MYRIP: variants seen among roughly 807,000 people sequenced by gnomAD.
MYRIP encodes rab effector MyRIP.
MYRIP carries 49 observed loss-of-function variants against 98.0 expected under a neutral mutation model. The ratio of observed to expected loss-of-function variants is 0.50; its 90% CI spans 0.40 to 0.63. The LOEUF is 0.63. Among genes scored for constraint, MYRIP ranks in the 30% least tolerant of loss-of-function variants. MYRIP has a pLI of 0.00. For synonymous variants in MYRIP, 404 were observed against 409.5 expected (o/e 0.99, Z 0.16); for missense variants, 1,004 against 1,058.2 (o/e 0.95, Z 0.71).
At chr3:40,140,105 A>C (rs187384656) in intron 3 of MYRIP, among the ~76,000 whole-genome samples, 28 of 152,310 alleles carry the variant, frequency 1.8e-4, no homozygotes, top group Admixed American at 5.2e-4. Context: ...GTGGTGAGAC[A>C]AGATAGTGGA....
intron 11 of MYRIP, among the ~76,000 whole-genome samples, chr3:40,222,048 T>C (rs937403922): frequency 2.0e-5 from 3 of 152,116 alleles, no homozygotes; most frequent in African/African-American, 7.2e-5. Context: ...TTCTTGGTTT[T>C]GCCCAGGAAA....
At chr3:39,922,176 G>A (rs1944319783) in intron 2 of MYRIP, among the ~76,000 whole-genome samples, 1 of 152,040 alleles carries the variant, frequency 6.6e-6, no homozygotes, top group Admixed American at 6.5e-5. Context: ...TGAAAAAGTT[G>A]GCAATACCAG....
At chr3:39,843,013 C>T (rs1206114182) in intron 1 of MYRIP, among the ~76,000 whole-genome samples, 1 of 152,172 alleles carries the variant, frequency 6.6e-6, no homozygotes, top group Non-Finnish European at 1.5e-5. Context: ...TCTGAACCTC[C>T]TGCTGATGGA....
In MYRIP at chr3:40,225,135, T is replaced by G. The variant is rs146090500; in HGVS notation, c.1906-8724T>G. 4.2e-4 allele frequency among the ~76,000 whole-genome samples: 64 copies of G among 152,326 alleles called. 2 individuals carry two copies. In the East Asian group the frequency reaches 0.011, roughly 25 times the overall value. ...CTGGTAGTTTGATGGAAGCATTTCT[T>G]AAAGCCAAGACAGCATCTGTAATAC... On this transcript the variant is annotated intron_variant, in intron 11 of 16. Coordinates refer to ENST00000302541, the MANE Select transcript of MYRIP (RefSeq NM_015460.4).
intron 2 of MYRIP, among the ~76,000 whole-genome samples, chr3:40,005,566 T>C (rs1335404826): frequency 6.6e-6 from 1 of 152,132 alleles, no homozygotes; most frequent in Non-Finnish European, 1.5e-5. Flanking sequence ...ACATGGAAAA[T>C]AGATTTCATA....
At chr3:40,044,565 CA>C (rs1324002867) in intron 3 of MYRIP, among the ~76,000 whole-genome samples, 3 of 152,194 alleles carry the variant, frequency 2.0e-5, no homozygotes, top group East Asian at 3.9e-4. Context: ...CATCTGGTCT[CA>C]TCCTTTCGTT....
rs572463561 is a variant in MYRIP, at chr3:39,954,119, G to A, written c.110+53193G>A. On this transcript the variant is annotated intron_variant, in intron 2 of 16. Coordinates refer to ENST00000302541, the MANE Select transcript of MYRIP (RefSeq NM_015460.4). The stretch of plus-strand genomic sequence containing the variant: ...TAAACAAAAGGCAGCAGAAATTTCT[G>A]CAGACTTAAAATGTCCCTGTCTGAC... 1.1e-4 allele frequency among the ~76,000 whole-genome samples: 17 copies of A among 152,268 alleles called. No individual in the cohort carries two copies. The East Asian group carries it at 3.1e-3, about 28-fold the overall frequency.
chr3:40,105,726 A>C (rs1949039138), intron 3 of MYRIP, among the ~76,000 whole-genome samples: 1 of 152,160 alleles, frequency 6.6e-6, no homozygotes, highest in African/African-American at 2.4e-5. Context: ...TCATGGTGGA[A>C]GGTGAAGGGG....
chr3:39,968,962 G>T (rs1945509695), intron 2 of MYRIP, among the ~76,000 whole-genome samples: 1 of 152,130 alleles, frequency 6.6e-6, no homozygotes, highest in Non-Finnish European at 1.5e-5. Flanking sequence ...CATGAGCATG[G>T]AATGTTTTTC....
chr3:40,118,768 A>G (rs1306106337), intron 3 of MYRIP, among the ~76,000 whole-genome samples: 1 of 151,392 alleles, frequency 6.6e-6, no homozygotes, highest in African/African-American at 2.4e-5. Context: ...CCGCCCCACA[A>G]CAGGCCCTGG....
At chr3:40,167,278 G>C in intron 7 of MYRIP, 39 bp downstream of exon 7, 1 of 1,587,350 alleles carries the variant, frequency 6.3e-7, no homozygotes, top group Non-Finnish European at 8.6e-7. Flanking sequence ...GCAGTTTCCT[G>C]GCTGGGCCTG....
At chr3:40,102,811 T>A (rs1217583075) in intron 3 of MYRIP, among the ~76,000 whole-genome samples, 1 of 151,956 alleles carries the variant, frequency 6.6e-6, no homozygotes, top group African/African-American at 2.4e-5. Flanking sequence ...TTGACCCACA[T>A]TAAGAAGTTC....
At chr3:40,057,289 T>C (rs1371604044) in intron 3 of MYRIP, among the ~76,000 whole-genome samples, 3 of 152,182 alleles carry the variant, frequency 2.0e-5, no homozygotes, top group Non-Finnish European at 4.4e-5. Context: ...AGGGTGTTCT[T>C]CACATTTTCC....
At chr3:39,878,598 G>A (rs1208404443) in intron 1 of MYRIP, among the ~76,000 whole-genome samples, 1 of 151,934 alleles carries the variant, frequency 6.6e-6, no homozygotes, top group Non-Finnish European at 1.5e-5. Flanking sequence ...ATATACATTT[G>A]TATGTATAGA....
intron 3 of MYRIP, among the ~76,000 whole-genome samples, chr3:40,061,376 C>A (rs1200856517): frequency 6.6e-6 from 1 of 152,202 alleles, no homozygotes; most frequent in Admixed American, 6.5e-5. Flanking sequence ...AGGCTAATAG[C>A]CTCCATCTCC....
chr3:40,114,220 T>C (rs942190373), intron 3 of MYRIP, among the ~76,000 whole-genome samples: 5 of 152,226 alleles, frequency 3.3e-5, no homozygotes, highest in African/African-American at 1.2e-4. Context: ...TTTCTATGCC[T>C]GGATATGTTT....
At position 39,845,205 on chromosome 3, in the gene MYRIP, G is replaced by A. The variant is rs79812922; in HGVS notation, c.-31+35289G>A. On this transcript the variant is annotated intron_variant, in intron 1 of 16. Coordinates refer to ENST00000302541, the MANE Select transcript of MYRIP (RefSeq NM_015460.4). ...GTGGTTGTGACTGAAGATGCAGCTG[G>A]AGAGGTAGAGTGCTACCTCTGTCTC... 5.3e-3 allele frequency among the ~76,000 whole-genome samples: 805 copies of A among 152,254 alleles called. 6 individuals are homozygous for A. Among genetic ancestry groups the A allele is most frequent in the African/African-American group, 0.019 (781 of 41,540 alleles).
intron 3 of MYRIP, among the ~76,000 whole-genome samples, chr3:40,056,699 A>G (rs935104748): frequency 6.6e-6 from 1 of 152,192 alleles, no homozygotes; most frequent in Non-Finnish European, 1.5e-5. Context: ...CAAATAAGCT[A>G]AATAACTTAG....
At chr3:40,253,821 T>G (rs1232164691) in intron 16 of MYRIP, among the ~76,000 whole-genome samples, 1 of 152,204 alleles carries the variant, frequency 6.6e-6, no homozygotes, top group African/African-American at 2.4e-5. Context: ...ACCTGCTATA[T>G]ACCTCTTTAA....
Sources: gnomAD v4.1 joint callset for allele counts (sites outside exome capture counted in the v4.1 genomes callset) on GRCh38, gnomAD v4.1.1 for gene constraint, MANE v1.5 for transcripts, NCBI Gene and HGNC (gene_info 2026-07-23, HGNC 2026-07-21) for gene names.